MYEF2: variants seen among roughly 807,000 people sequenced by gnomAD.
The protein encoded by MYEF2 is myelin expression factor 2.
Under a neutral mutation model 75.2 loss-of-function variants are expected in MYEF2, and 37 were observed. That is an observed-to-expected ratio of 0.49 (90% CI 0.38 to 0.65). MYEF2 has a LOEUF of 0.65. Among genes scored for constraint, MYEF2 ranks in the 30% least tolerant of loss-of-function variants. The pLI is 0.00. For synonymous variants in MYEF2, 195 were observed against 241.6 expected (o/e 0.81, Z 1.79); for missense variants, 634 against 771.4 (o/e 0.82, Z 2.11).
chr15:48,150,950 G>T, intron 14 of MYEF2, 150 bp downstream of exon 14: 1 of 465,352 alleles, frequency 2.1e-6, no homozygotes, highest in Non-Finnish European at 3.8e-6. Flanking sequence ...AAACAGAAAG[G>T]CTTTGCTCAA....
In MYEF2 at chr15:48,149,255, T is replaced by C. The variant is rs773784781; in HGVS notation, c.1495A>G (p.Ile499Val). The C allele has an allele frequency of 2.5e-6, 4 of 1,613,498 alleles. No homozygotes were observed. Among genetic ancestry groups the C allele is most frequent in the Non-Finnish European group, 3.4e-6 (4 of 1,179,572 alleles). Residue 499 changes from isoleucine to valine, a missense_variant, in exon 15 of 17, where the codon ATC (isoleucine) becomes GTC (valine). Transcript: ENST00000324324. This position sits in a 1 kb window ranked among gnomAD's most constrained non-coding sequence, Gnocchi z 4.0. ...GATAAAAATCCTCGATCCATATCGATGCTCCTTTCCAGTATAGCTCCTATA... is the reference window on the plus strand; with the variant it reads ...GATAAAAATCCTCGATCCATATCGACGCTCCTTTCCAGTATAGCTCCTATA... ...PGIGAILERSIDMDRGFLSGP... is the reference protein window; with the variant it reads ...PGIGAILERSVDMDRGFLSGP...
At chr15:48,174,231 A>G (rs1230593931) in intron 1 of MYEF2, among the ~76,000 whole-genome samples, 1 of 152,132 alleles carries the variant, frequency 6.6e-6, no homozygotes, top group Non-Finnish European at 1.5e-5. Context: ...AAAATATACA[A>G]TGGTGAAAGG....
In MYEF2 at chr15:48,139,050, T is replaced by G. The variant is rs1239634882; in HGVS notation, c.*3858A>C. 2 of 1,613,048 alleles carry G rather than the reference T, an allele frequency of 1.2e-6. No homozygotes were observed. Among genetic ancestry groups the G allele is most frequent in the Admixed American group, 3.3e-5 (2 of 59,976 alleles). On this transcript the variant is annotated 3_prime_UTR_variant, in exon 17 of 17. Transcript: ENST00000324324. Reference sequence around the variant, plus strand: ...TTATCCCTTCCTATTATTACATTACTTTTTCTAACCACACCAGATTGTAGA... The same window carrying G: ...TTATCCCTTCCTATTATTACATTACGTTTTCTAACCACACCAGATTGTAGA...
chr15:48,139,133 T>C lies in MYEF2; in HGVS notation c.*3775A>G. On this transcript the variant is annotated 3_prime_UTR_variant, in exon 17 of 17. Coordinates refer to ENST00000324324, the MANE Select transcript of MYEF2 (RefSeq NM_016132.5). Reference sequence around the variant, plus strand: ...CTTTTTCATGTCTGCAATATGGATATCCGCATTTACATATATCCTGGTTTG... The same window carrying C: ...CTTTTTCATGTCTGCAATATGGATACCCGCATTTACATATATCCTGGTTTG... The C allele has an allele frequency of 6.2e-7, 1 of 1,612,992 alleles. No individual in the cohort carries two copies. Among genetic ancestry groups the C allele is most frequent in the Non-Finnish European group, 8.5e-7 (1 of 1,179,350 alleles).
Position 48,138,861 on chromosome 15 carries a change from T to G in MYEF2, c.*4047A>C. ...GTACTCAAATGTTTTAAACAGCCTTTTAAAAACTGATACAGCTAATTTATT... is the reference window on the plus strand; with the variant it reads ...GTACTCAAATGTTTTAAACAGCCTTGTAAAAACTGATACAGCTAATTTATT... On this transcript the variant is annotated 3_prime_UTR_variant, in exon 17 of 17. Coordinates refer to ENST00000324324, the MANE Select transcript of MYEF2 (RefSeq NM_016132.5). 4 of 831,960 alleles carry G rather than the reference T, an allele frequency of 4.8e-6. No individual in the cohort carries two copies. Among genetic ancestry groups the G allele is most frequent in the Non-Finnish European group, 7.5e-6 (4 of 531,358 alleles). 51.5% of individuals were successfully genotyped at this position (831,960 alleles called of 1,614,324 possible). A position where few individuals can be genotyped will look rare whatever the true frequency, so the allele number is the denominator to read the frequency against.
chr15:48,161,553 G>A (rs1397203042), intron 5 of MYEF2, among the ~76,000 whole-genome samples: 1 of 150,974 alleles, frequency 6.6e-6, no homozygotes, highest in Admixed American at 6.6e-5. Flanking sequence ...TCTTAAAAAA[G>A]TTAAAAATGG....
At chr15:48,157,967 T>C (rs1472099441) in intron 9 of MYEF2, 26 bp downstream of exon 9, 1 of 1,611,950 alleles carries the variant, frequency 6.2e-7, no homozygotes. Flanking sequence ...AAGCCTATGT[T>C]GTTTCTCATA....
intron 1 of MYEF2, among the ~76,000 whole-genome samples, chr15:48,173,876 T>G (rs986167556): frequency 6.6e-6 from 1 of 152,122 alleles, no homozygotes; most frequent in Non-Finnish European, 1.5e-5. Context: ...ATATTCCATG[T>G]TCACAGATGA....
rs765803006 is a variant in MYEF2, at chr15:48,159,821, A to C, written c.526-17T>G. 1.3e-6 allele frequency: 2 copies of C among 1,599,394 alleles called. No individual in the cohort carries two copies. Among genetic ancestry groups the C allele is most frequent in the Non-Finnish European group, 1.7e-6 (2 of 1,173,000 alleles). On this transcript the variant is annotated splice_polypyrimidine_tract_variant and intron_variant, in intron 5 of 16. Coordinates refer to ENST00000324324, the MANE Select transcript of MYEF2 (RefSeq NM_016132.5). The stretch of plus-strand genomic sequence containing the variant: ...ATCAGGATCCTATAACACACATTGA[A>C]TGTTAAATTCCACTAAATACATCAC...
intron 1 of MYEF2, among the ~76,000 whole-genome samples, chr15:48,177,434 A>C (rs1001209885): frequency 1.3e-5 from 2 of 152,176 alleles, no homozygotes; most frequent in Non-Finnish European, 2.9e-5. Flanking sequence ...CACATTACCC[A>C]GTGGGAAGGG....
chr15:48,161,446 C>T (rs1415650806), intron 5 of MYEF2, among the ~76,000 whole-genome samples: 3 of 151,908 alleles, frequency 2.0e-5, no homozygotes, highest in Non-Finnish European at 4.4e-5. Context: ...AATTAGATAT[C>T]CCAGGAAAGG....
intron 5 of MYEF2, among the ~76,000 whole-genome samples, chr15:48,162,025 C>T (rs2039960095): frequency 6.6e-6 from 1 of 151,456 alleles, no homozygotes; most frequent in African/African-American, 2.4e-5. Context: ...TGACACAAAC[C>T]ACAACAGTCA....
At chr15:48,169,174 T>G (rs754969347) in intron 1 of MYEF2, among the ~76,000 whole-genome samples, 2 of 152,198 alleles carry the variant, frequency 1.3e-5, no homozygotes, top group Admixed American at 6.5e-5. Context: ...ATTTTACTTC[T>G]AAGGTATCTA....
In MYEF2 at chr15:48,136,553, A is replaced by T; in HGVS notation, c.*6355T>A. 1 of 855,772 alleles carries T rather than the reference A, an allele frequency of 1.2e-6. No homozygotes were observed. Among genetic ancestry groups the T allele is most frequent in the Non-Finnish European group, 1.7e-6 (1 of 577,160 alleles). 53.0% of individuals were successfully genotyped at this position (855,772 alleles called of 1,614,324 possible). The stretch of plus-strand genomic sequence containing the variant: ...TCTGGACAAATCTACAAAACAAAAA[A>T]TATCTAGAAATGTTTGATTGTTCTA... On this transcript the variant is annotated 3_prime_UTR_variant, in exon 17 of 17. Coordinates refer to ENST00000324324, the MANE Select transcript of MYEF2 (RefSeq NM_016132.5).
At chr15:48,143,224 A>AAAATACAATTCATACAAAGTAAT in intron 16 of MYEF2, among the ~76,000 whole-genome samples, 153 bp from the exon 17 acceptor site, 1 of 152,174 alleles carries the variant, frequency 6.6e-6, no homozygotes, top group South Asian at 2.1e-4. Flanking sequence ...TATTTGGACT[A>AAAATACAATTCATACAAAGTAAT]AAATACAATT....
At chr15:48,159,520 T>C in intron 6 of MYEF2, 93 bp downstream of exon 6, 2 of 1,201,808 alleles carry the variant, frequency 1.7e-6, no homozygotes, top group Non-Finnish European at 2.3e-6. Context: ...TAGTTAAAAA[T>C]AAGCAAAATG....
Position 48,139,241 on chromosome 15 carries a change from A to C in MYEF2, c.*3667T>G. 1.5e-6 allele frequency: 2 copies of C among 1,345,952 alleles called. No individual in the cohort carries two copies. Among genetic ancestry groups the C allele is most frequent in the Non-Finnish European group, 2.1e-6 (2 of 953,978 alleles). The allele number at this position is 1,345,952 out of a possible 1,614,324, so 83.4% of individuals were successfully genotyped here. A position where few individuals can be genotyped will look rare whatever the true frequency, so the allele number is the denominator to read the frequency against. The stretch of plus-strand genomic sequence containing the variant: ...ATATAAGAACAAATTGCATATGTTC[A>C]CTCAAAGTAGTCTAGCTACACAGCA... On this transcript the variant is annotated 3_prime_UTR_variant, in exon 17 of 17. Coordinates refer to ENST00000324324, the MANE Select transcript of MYEF2 (RefSeq NM_016132.5).
At chr15:48,174,327 A>G (rs951279027) in intron 1 of MYEF2, among the ~76,000 whole-genome samples, 12 of 152,124 alleles carry the variant, frequency 7.9e-5, no homozygotes, top group African/African-American at 2.9e-4. Context: ...TATAACACCT[A>G]AAACCATGGA....
intron 9 of MYEF2, 162 bp downstream of exon 9, chr15:48,157,831 C>T (rs2039761151): frequency 2.0e-5 from 27 of 1,376,996 alleles, no homozygotes; most frequent in Non-Finnish European, 2.4e-5. Context: ...CACTTATCTT[C>T]TCAGTCTTCC....
Sources: allele counts gnomAD v4.1 joint callset (sites outside exome capture counted in the v4.1 genomes callset), GRCh38; gene constraint gnomAD v4.1.1; non-coding constraint Gnocchi (gnomAD v3.1); transcripts MANE v1.5; gene names NCBI Gene and HGNC (gene_info 2026-07-23, HGNC 2026-07-21).